Variants in CACNA2D4 observed in about 807,000 individuals in gnomAD.
CACNA2D4 encodes the protein calcium voltage-gated channel auxiliary subunit alpha2delta 4.
Under a neutral mutation model 163.8 loss-of-function variants are expected in CACNA2D4, and 157 were observed. That is an observed-to-expected ratio of 0.96 (90% CI 0.84 to 1.09). The LOEUF (loss-of-function observed/expected upper bound fraction) is 1.09. Among genes scored for constraint, CACNA2D4 ranks in the 50% least tolerant of loss-of-function variants. The probability of loss-of-function intolerance (pLI) is 0.00; values close to 1 mark genes in which losing one functional copy is unlikely to be tolerated. For synonymous variants in CACNA2D4, 598 were observed against 586.9 expected, an observed-to-expected ratio of 1.02 and a Z score of -0.27; for missense variants, 1,410 against 1,479.9, an observed-to-expected ratio of 0.95 and a Z score of 0.78.
chr12:1,877,057 T>G (rs770963719), intron 16 of CACNA2D4, among the ~76,000 whole-genome samples: 55 of 152,358 alleles, frequency 3.6e-4, no homozygotes, highest in Non-Finnish European at 6.2e-4. Flanking sequence ...CTTTGCTATA[T>G]CTTTTGTTTT....
chr12:1,824,617 C>T (rs954523413), intron 26 of CACNA2D4, among the ~76,000 whole-genome samples: 1 of 152,178 alleles, frequency 6.6e-6, no homozygotes, highest in Non-Finnish European at 1.5e-5. Context: ...TCTCGCTGTC[C>T]CCCATGCTGC....
chr12:1,828,105 T>C lies in CACNA2D4; in HGVS notation c.2551+12634A>G. ...GACAGGCGGCGCACCCAGGGGCTCC[T>C]CTCTCCCCAGAGCGACAGGGCCCGG... On this transcript the variant is annotated intron_variant, in intron 26 of 37. Transcript: ENST00000382722. The surrounding 1 kb of genome is among the most constrained non-coding windows in gnomAD (Gnocchi z 4.2). The C allele has an allele frequency of 2.7e-6, 4 of 1,483,362 alleles. No homozygotes were observed. Among genetic ancestry groups the C allele is most frequent in the East Asian group, 2.5e-5 (1 of 39,322 alleles). The allele number at this position is 1,483,362 out of a possible 1,614,324, so 91.9% of individuals were successfully genotyped here.
intron 1 of CACNA2D4, chr12:1,915,244 G>T: frequency 1.4e-6 from 1 of 702,592 alleles, no homozygotes; most frequent in Non-Finnish European, 2.6e-6. Flanking sequence ...GGCAGGAGAC[G>T]CGGAGAACCC....
rs1037391938 is a variant in CACNA2D4, at chr12:1,806,395, C to T, written c.2721+3883G>A. On this transcript the variant is annotated intron_variant, in intron 29 of 37. Coordinates refer to ENST00000382722, the MANE Select transcript of CACNA2D4 (RefSeq NM_172364.5). This position sits in a 1 kb window ranked among gnomAD's most constrained non-coding sequence, Gnocchi z 4.1. ...CTAATCAGCAGGCCTGGAACACCGCCGGTGCCAAGAAAGAGCCAAGCAGCC... is the reference window on the plus strand; with the variant it reads ...CTAATCAGCAGGCCTGGAACACCGCTGGTGCCAAGAAAGAGCCAAGCAGCC... Among the ~76,000 whole-genome samples the T allele has an allele frequency of 8.5e-5, 13 of 152,150 alleles. No homozygotes were observed. The highest frequency in any genetic ancestry group is 2.9e-4 in the African/African-American group (12 of 41,422).
At chr12:1,886,652 G>T (rs1296825273) in intron 7 of CACNA2D4, among the ~76,000 whole-genome samples, 1 of 152,222 alleles carries the variant, frequency 6.6e-6, no homozygotes, top group African/African-American at 2.4e-5. Flanking sequence ...GGGTCCCTGA[G>T]GGGCTGGCAG....
chr12:1,891,983 A>G (rs570872762), intron 6 of CACNA2D4, among the ~76,000 whole-genome samples: 1 of 152,324 alleles, frequency 6.6e-6, no homozygotes, highest in East Asian at 1.9e-4. Context: ...CAAAAGAAAC[A>G]AAAAGGATGG....
chr12:1,844,439 G>T lies in CACNA2D4; in HGVS notation c.2433C>A (p.Gly811=). The change falls in exon 25 of 38, where the codon GGC becomes GGA. Residue 811 remains glycine (G), a synonymous_variant. Coordinates refer to ENST00000382722, the MANE Select transcript of CACNA2D4 (RefSeq NM_172364.5). This position sits in a 1 kb window ranked among gnomAD's most constrained non-coding sequence, Gnocchi z 4.2. ...CCCAGCGGAGGTTGAAGACGAAGCT[G>T]CCAGCAGGATGCTCTGAGGCCTGGC... is the stretch of plus-strand genomic sequence containing the variant. ...WYRQASEHPA[G]SFVFNLRWAE... The T allele has an allele frequency of 6.2e-7, 1 of 1,613,676 alleles. No homozygotes were observed. Among genetic ancestry groups the T allele is most frequent in the South Asian group, 1.1e-5 (1 of 90,966 alleles).
At chr12:1,817,754 G>A (rs1380782370) in intron 26 of CACNA2D4, among the ~76,000 whole-genome samples, 28 of 152,152 alleles carry the variant, frequency 1.8e-4, no homozygotes, top group Non-Finnish European at 3.8e-4. Context: ...CCGAGGTGCC[G>A]GGATTGCAGA....
chr12:1,800,114 A>T (rs1863262305), intron 32 of CACNA2D4, 62 bp from the exon 33 acceptor site: 3 of 1,502,504 alleles, frequency 2.0e-6, no homozygotes, highest in Middle Eastern at 3.4e-4. Flanking sequence ...GTTCCCAAGG[A>T]GCTGGAGTAT....
intron 35 of CACNA2D4, 51 bp downstream of exon 35, chr12:1,797,367 C>A (rs912194861): frequency 9.6e-6 from 13 of 1,357,556 alleles, no homozygotes; most frequent in East Asian, 2.5e-5. Flanking sequence ...TCCGCCTTGC[C>A]GAGGGCGGGA....
At position 1,875,527 on chromosome 12, in the gene CACNA2D4, T is replaced by C. The variant is rs571072888; in HGVS notation, c.1720-190A>G. On this transcript the variant is annotated intron_variant, in intron 16 of 37. Coordinates refer to ENST00000382722, the MANE Select transcript of CACNA2D4 (RefSeq NM_172364.5). The surrounding 1 kb of genome is among the most constrained non-coding windows in gnomAD (Gnocchi z 4.0). ...ACAGAGCTCCCCTTACTGACATCTA[T>C]GACAGATGGTCTCACGGCCTCTGAG... Among the ~76,000 whole-genome samples, 164 of 152,312 alleles carry C rather than the reference T, an allele frequency of 1.1e-3. No homozygotes were observed. The highest frequency in any genetic ancestry group is 3.8e-3 in the African/African-American group (159 of 41,576).
At chr12:1,903,429 A>G (rs1051559783) in intron 6 of CACNA2D4, among the ~76,000 whole-genome samples, 1 of 152,098 alleles carries the variant, frequency 6.6e-6, no homozygotes, top group Admixed American at 6.6e-5. Context: ...TAAATAGACA[A>G]TGCACAGAAT....
At chr12:1,861,918 A>G (rs374155744) in intron 18 of CACNA2D4, among the ~76,000 whole-genome samples, 2 of 152,298 alleles carry the variant, frequency 1.3e-5, no homozygotes. Flanking sequence ...CTTCACAGGC[A>G]AACTCTGTTC....
intron 1 of CACNA2D4, chr12:1,915,281 G>T (rs1231399294): frequency 5.7e-6 from 4 of 702,438 alleles, no homozygotes; most frequent in Non-Finnish European, 7.8e-6. Context: ...GCACTGCTGT[G>T]TGCTGAATGT....
rs1863233498 is a variant in CACNA2D4, at chr12:1,799,358, G to C, written c.2995+317C>G. Among the ~76,000 whole-genome samples the C allele has an allele frequency of 6.6e-6, 1 of 152,204 alleles. No individual in the cohort carries two copies. Among genetic ancestry groups the C allele is most frequent in the African/African-American group, 2.4e-5 (1 of 41,458 alleles). ...GCCGCTGTTTGCTTCTCCAAGGGGT[G>C]GGCTGGAGGTTGCTCACTCATACTG... On this transcript the variant is annotated intron_variant, in intron 34 of 37. Coordinates refer to ENST00000382722, the MANE Select transcript of CACNA2D4 (RefSeq NM_172364.5). This position sits in a 1 kb window ranked among gnomAD's most constrained non-coding sequence, Gnocchi z 4.7.
At chr12:1,851,130 A>G (rs1035685533) in intron 23 of CACNA2D4, among the ~76,000 whole-genome samples, 1 of 151,800 alleles carries the variant, frequency 6.6e-6, no homozygotes, top group Non-Finnish European at 1.5e-5. Flanking sequence ...TGATCCTCCC[A>G]CCTGAGCCTC....
intron 26 of CACNA2D4, chr12:1,831,060 G>C: frequency 6.2e-7 from 1 of 1,614,066 alleles, no homozygotes; most frequent in Non-Finnish European, 8.5e-7. Flanking sequence ...GGTGCCCCCA[G>C]ACGTGCCCGC....
chr12:1,883,098 C>G lies in CACNA2D4; in HGVS notation c.1352-98G>C. 1 of 1,326,536 alleles carries G rather than the reference C, an allele frequency of 7.5e-7. No homozygotes were observed. Among genetic ancestry groups the G allele is most frequent in the Non-Finnish European group, 1.0e-6 (1 of 969,254 alleles). 82.2% of individuals were successfully genotyped at this position (1,326,536 alleles called of 1,614,324 possible). On this transcript the variant is annotated intron_variant, in intron 12 of 37. Coordinates refer to ENST00000382722, the MANE Select transcript of CACNA2D4 (RefSeq NM_172364.5). This position sits in a 1 kb window ranked among gnomAD's most constrained non-coding sequence, Gnocchi z 4.5. ...TCCCCAGCTGCAGATGGCTCATAGC[C>G]GAATACTCTCTGGAAACTGGACCGG... is the stretch of plus-strand genomic sequence containing the variant.
chr12:1,891,726 G>T (rs569107351), intron 6 of CACNA2D4, among the ~76,000 whole-genome samples: 1 of 151,928 alleles, frequency 6.6e-6, no homozygotes, highest in African/African-American at 2.4e-5. Context: ...TAAGAAGATA[G>T]ATATCATTAC....
Sources: allele counts gnomAD v4.1 joint callset (sites outside exome capture counted in the v4.1 genomes callset), GRCh38; gene constraint gnomAD v4.1.1; non-coding constraint Gnocchi (gnomAD v3.1); transcripts MANE v1.5; gene names NCBI Gene and HGNC (gene_info 2026-07-23, HGNC 2026-07-21).